SAMMSON: variants seen among roughly 807,000 people sequenced by gnomAD.
The protein encoded by SAMMSON is survival associated mitochondrial melanoma specific oncogenic non-coding RNA, also known as long intergenic non-protein coding RNA 1212.
intron 7 of SAMMSON, among the ~76,000 whole-genome samples, chr3:70,325,452 C>T (rs1007309674): frequency 2.6e-5 from 4 of 152,114 alleles, no homozygotes; most frequent in African/African-American, 7.2e-5. Flanking sequence ...GCTCAACTTT[C>T]AAGTGTTCAT....
chr3:70,086,129 T>C (rs1033540547), intron 4 of SAMMSON, among the ~76,000 whole-genome samples: 1 of 152,228 alleles, frequency 6.6e-6, no homozygotes, highest in Admixed American at 6.5e-5. Flanking sequence ...CAGTCTGTTA[T>C]TACTAAGAAA....
chr3:70,259,527 A>G (rs1299212388), intron 6 of SAMMSON, among the ~76,000 whole-genome samples: 1 of 152,180 alleles, frequency 6.6e-6, no homozygotes, highest in Non-Finnish European at 1.5e-5. Flanking sequence ...TGGCTGTTTC[A>G]GAAATCAGAG....
chr3:70,282,396 G>A (rs1006118546), intron 6 of SAMMSON, among the ~76,000 whole-genome samples: 7 of 152,032 alleles, frequency 4.6e-5, no homozygotes, highest in African/African-American at 7.2e-5. Flanking sequence ...TTGTAAATCC[G>A]ATCATGTTAG....
intron 4 of SAMMSON, among the ~76,000 whole-genome samples, chr3:70,103,577 A>G (rs957172121): frequency 6.6e-6 from 1 of 152,198 alleles, no homozygotes; most frequent in Admixed American, 6.5e-5. Context: ...CTTCGGTTAC[A>G]TCCTTGACAA....
At chr3:70,252,355 C>T (rs890102152) in intron 6 of SAMMSON, among the ~76,000 whole-genome samples, 1 of 152,130 alleles carries the variant, frequency 6.6e-6, no homozygotes, top group Non-Finnish European at 1.5e-5. Context: ...GGTGTCACCC[C>T]ATTTGCTTCA....
At chr3:70,277,680 C>G (rs1477085205) in intron 6 of SAMMSON, among the ~76,000 whole-genome samples, 1 of 152,118 alleles carries the variant, frequency 6.6e-6, no homozygotes, top group East Asian at 1.9e-4. Flanking sequence ...GAGGATCTCA[C>G]CACCTCCCGA....
At chr3:70,380,623 T>C (rs988452169) in intron 9 of SAMMSON, among the ~76,000 whole-genome samples, 2 of 152,148 alleles carry the variant, frequency 1.3e-5, no homozygotes, top group Admixed American at 6.5e-5. Context: ...ACGTGTGCCA[T>C]GTTGGTGTGC....
intron 9 of SAMMSON, among the ~76,000 whole-genome samples, chr3:70,378,936 T>G (rs1703042627): frequency 6.6e-6 from 1 of 152,144 alleles, no homozygotes; most frequent in African/African-American, 2.4e-5. Flanking sequence ...TTCTTTAGGA[T>G]AAGTATAAGT....
intron 3 of SAMMSON, among the ~76,000 whole-genome samples, chr3:70,050,401 C>T (rs2067141735): frequency 6.6e-6 from 1 of 152,104 alleles, no homozygotes; most frequent in African/African-American, 2.4e-5. Context: ...TACAGCAGAG[C>T]AGCTCTCAGA....
At chr3:70,421,671 AGG>A (rs1701314584) in intron 2 of SAMMSON, among the ~76,000 whole-genome samples, 1 of 152,180 alleles carries the variant, frequency 6.6e-6, no homozygotes, top group Non-Finnish European at 1.5e-5. Context: ...TCTCCACAGT[AGG>A]AATAAGAAGC....
chr3:70,169,104 A>C (rs2067650639), intron 4 of SAMMSON, among the ~76,000 whole-genome samples: 1 of 152,062 alleles, frequency 6.6e-6, no homozygotes, highest in South Asian at 2.1e-4. Context: ...TCTATCATGG[A>C]AAGTGGTTTT....
chr3:70,409,616 TC>T (rs1701202657), intron 2 of SAMMSON, among the ~76,000 whole-genome samples: 3 of 152,264 alleles, frequency 2.0e-5, no homozygotes, highest in Admixed American at 1.3e-4. Flanking sequence ...GGTTTCCTCT[TC>T]TGTAAAATGA....
At chr3:70,178,709 G>A (rs1016535621) in intron 4 of SAMMSON, among the ~76,000 whole-genome samples, 1 of 152,132 alleles carries the variant, frequency 6.6e-6, no homozygotes, top group African/African-American at 2.4e-5. Context: ...TGCTTATGGA[G>A]CAATAATAAG....
intron 6 of SAMMSON, among the ~76,000 whole-genome samples, chr3:70,250,282 A>G (rs868771249): frequency 6.6e-6 from 1 of 151,662 alleles, no homozygotes; most frequent in African/African-American, 2.4e-5. Context: ...GATTAATTCT[A>G]CTCTCTTAGG....
intron 4 of SAMMSON, among the ~76,000 whole-genome samples, chr3:70,142,148 A>G (rs1468288786): frequency 1.3e-5 from 2 of 152,182 alleles, no homozygotes. Flanking sequence ...TAAAAGTAGA[A>G]CTACCATTTG....
rs893213309 is a variant in SAMMSON at position 70,378,133 on chromosome 3, A to G, written n.914-11441A>G. Among the ~76,000 whole-genome samples the G allele has an allele frequency of 4.0e-5, 6 of 151,098 alleles. 1 individual carries two copies. Among genetic ancestry groups the G allele is most frequent in the Non-Finnish European group, 1.5e-5 (1 of 67,712 alleles). The stretch of plus-strand genomic sequence containing the variant: ...AAAGCACTAGTATTTAGTTATATAT[A>G]ATTTATATATAATTTAGTTATATAT... On this transcript the variant is annotated intron_variant and non_coding_transcript_variant, in intron 9 of 9. Coordinates refer to ENST00000642114, the Ensembl canonical transcript of SAMMSON.
chr3:70,327,490 T>G (rs901695569), intron 7 of SAMMSON, among the ~76,000 whole-genome samples: 7 of 152,208 alleles, frequency 4.6e-5, no homozygotes, highest in Admixed American at 1.3e-4. Flanking sequence ...TTGGGGACGC[T>G]AAGGCAGGTA....
rs984067495 is a variant in SAMMSON, at chr3:70,338,377, T to C, written n.740-15798T>C. ...AGTCCAAGTTTTGGTATGCTCTAGATAGATGATTGTGCAGAAGAGTTAACA... is the reference window on the plus strand; with the variant it reads ...AGTCCAAGTTTTGGTATGCTCTAGACAGATGATTGTGCAGAAGAGTTAACA... On this transcript the variant is annotated intron_variant and non_coding_transcript_variant, in intron 7 of 9. Transcript: ENST00000642114. Among the ~76,000 whole-genome samples, 3 of 152,014 alleles carry C rather than the reference T, an allele frequency of 2.0e-5. No homozygotes were observed. The South Asian group carries it at 6.2e-4, about 31-fold the overall frequency.
At chr3:70,065,497 GAAAGA>G (rs988045478) in intron 3 of SAMMSON, among the ~76,000 whole-genome samples, 1 of 151,930 alleles carries the variant, frequency 6.6e-6, no homozygotes, top group Non-Finnish European at 1.5e-5. Flanking sequence ...AGGCAAGAAA[GAAAGA>G]AAAGTGCTTT....
Sources: allele counts gnomAD v4.1 joint callset (sites outside exome capture counted in the v4.1 genomes callset), GRCh38; gene constraint gnomAD v4.1.1; transcripts MANE v1.5; gene names NCBI Gene and HGNC (gene_info 2026-07-23, HGNC 2026-07-21).